Variants in PITRM1 observed in about 807,000 individuals in gnomAD.
PITRM1 encodes pitrilysin metallopeptidase 1.
PITRM1 carries 100 observed loss-of-function variants against 129.9 expected under a neutral mutation model. The observed-to-expected ratio is 0.77, with a 90% CI of 0.65 to 0.91. The LOEUF (loss-of-function observed/expected upper bound fraction) is 0.91, where lower values mean the gene tolerates loss of function less well. Ranked by LOEUF, PITRM1 falls within the 40% of genes least tolerant of loss-of-function variation. The probability of loss-of-function intolerance (pLI) is 0.00; values close to 1 mark genes in which losing one functional copy is unlikely to be tolerated. For synonymous variants in PITRM1, 591 were observed against 508.8 expected, an observed-to-expected ratio of 1.16 and a Z score of -2.17; for missense variants, 1,471 against 1,318.3, an observed-to-expected ratio of 1.12 and a Z score of -1.79.
In PITRM1 at chr10:3,167,030, G is replaced by A. The variant is rs756947486; in HGVS notation, c.172C>T (p.Pro58Ser). The change falls in exon 3 of 27, where the codon CCC becomes TCC. Residue 58 changes from proline to serine, a missense_variant. Transcript: ENST00000224949. ...GFTVNQVTSV[P>S]ELFLTAVKLT... ...TTCACTGCAGTCAGGAACAGCTCGG[G>A]AACAGATGTCACCTGAGTTAACAAG... is the stretch of plus-strand genomic sequence containing the variant. The A allele has an allele frequency of 1.2e-6, 2 of 1,603,118 alleles. No individual in the cohort carries two copies. Among genetic ancestry groups the A allele is most frequent in the Admixed American group, 1.7e-5 (1 of 58,700 alleles).
chr10:3,166,842 C>T, intron 3 of PITRM1, 94 bp downstream of exon 3: 1 of 692,928 alleles, frequency 1.4e-6, no homozygotes, highest in South Asian at 1.9e-5. Context: ...GACAGTTGTT[C>T]TTCTTCCATT....
chr10:3,172,526 G>T (rs1177202056), intron 1 of PITRM1, among the ~76,000 whole-genome samples, 191 bp downstream of exon 1: 1 of 152,140 alleles, frequency 6.6e-6, no homozygotes, highest in African/African-American at 2.4e-5. Context: ...GTAGGAAGGA[G>T]CTCCGAGGTC....
At chr10:3,138,615 T>TGGCCATGCCCG in intron 25 of PITRM1, 1 of 604,928 alleles carries the variant, frequency 1.7e-6, no homozygotes, top group African/African-American at 1.8e-5. Flanking sequence ...GAGAGTAACG[T>TGGCCATGCCCG]GGCCATGCCC....
chr10:3,166,868 C>A, intron 3 of PITRM1, 68 bp downstream of exon 3: 2 of 958,782 alleles, frequency 2.1e-6, no homozygotes, highest in Admixed American at 4.9e-5. Flanking sequence ...ACAGGGAAGC[C>A]AAAAGAATGG....
At chr10:3,162,158 T>TA (rs756979093) in intron 7 of PITRM1, among the ~76,000 whole-genome samples, 770 of 61,128 alleles carry the variant, frequency 0.013, 5 homozygotes, top group African/African-American at 0.023. Context: ...ACCCTGTCTT[T>TA]AAAAAAAAAA....
chr10:3,155,914 T>C (rs545209887), intron 13 of PITRM1, among the ~76,000 whole-genome samples, 185 bp from the exon 14 acceptor site: 40 of 152,330 alleles, frequency 2.6e-4, no homozygotes, highest in African/African-American at 9.6e-4. Flanking sequence ...CCTTATAAAA[T>C]GCTTACCACC....
At chr10:3,152,232 T>G (rs1471655134) in intron 14 of PITRM1, among the ~76,000 whole-genome samples, 1 of 152,180 alleles carries the variant, frequency 6.6e-6, no homozygotes, top group Non-Finnish European at 1.5e-5. Flanking sequence ...ATGTGGAGAA[T>G]CCAGAAGACC....
At position 3,142,176 on chromosome 10, in the gene PITRM1, A is replaced by C. The variant is rs138601364; in HGVS notation, c.2645+1213T>G. Among the ~76,000 whole-genome samples, 599 of 152,370 alleles carry C rather than the reference A, an allele frequency of 3.9e-3. 12 individuals are homozygous for C. The East Asian group carries it at 0.053, about 13-fold the overall frequency. Reference sequence around the variant, plus strand: ...CCACTCTTCTGCCGGCATAGCAGACAGATCTGTTCATCTTCTACAAATATG... The same window carrying C: ...CCACTCTTCTGCCGGCATAGCAGACCGATCTGTTCATCTTCTACAAATATG... On this transcript the variant is annotated intron_variant, in intron 23 of 26. Transcript: ENST00000224949.
chr10:3,154,150 G>A (rs57504314), intron 14 of PITRM1, among the ~76,000 whole-genome samples: 22,911 of 152,140 alleles, frequency 0.15, 1,812 homozygotes, highest in Non-Finnish European at 0.18. Context: ...TCTGGCACCC[G>A]GCTTCTTTCC....
intron 24 of PITRM1, among the ~76,000 whole-genome samples, chr10:3,140,266 G>A (rs1448076259): frequency 1.3e-5 from 2 of 152,236 alleles, no homozygotes; most frequent in Admixed American, 1.3e-4. Flanking sequence ...CCAACAGGCA[G>A]GTACCGTAGA....
chr10:3,162,921 G>C (rs1009931309), intron 7 of PITRM1, among the ~76,000 whole-genome samples: 1 of 152,082 alleles, frequency 6.6e-6, no homozygotes, highest in Non-Finnish European at 1.5e-5. Flanking sequence ...ATAAGAAATA[G>C]GCAGTTTTAA....
At chr10:3,139,795 G>C (rs1393172600) in intron 24 of PITRM1, among the ~76,000 whole-genome samples, 1 of 152,200 alleles carries the variant, frequency 6.6e-6, no homozygotes, top group Non-Finnish European at 1.5e-5. Context: ...CCTGTAGCTA[G>C]GACCACAGGC....
At position 3,137,925 on chromosome 10, in the gene PITRM1, TCAATGA is replaced by T. The variant is rs1446545342; in HGVS notation, c.*100_*105del. ...CGCCAGTCAAGGGCTTTGGCGACACTCAATGACATAATATTCTTGGAAAAAGCAGTA... is the reference window on the plus strand; with the variant it reads ...CGCCAGTCAAGGGCTTTGGCGACACTCATAATATTCTTGGAAAAAGCAGTA... On this transcript the variant is annotated 3_prime_UTR_variant, in exon 27 of 27. Transcript: ENST00000224949. The T allele has an allele frequency of 8.5e-6, 6 of 702,450 alleles. No homozygotes were observed. In the African/African-American group the frequency reaches 1.1e-4, roughly 13 times the overall value. 43.5% of individuals were successfully genotyped at this position (702,450 alleles called of 1,614,324 possible).
chr10:3,149,734 C>T lies in PITRM1; in HGVS notation c.1758G>A (p.Gln586=). Residue 586 remains glutamine, a synonymous_variant, in exon 16 of 27, where the codon CAG becomes CAA. Coordinates refer to ENST00000224949, the MANE Select transcript of PITRM1 (RefSeq NM_014889.4). ...VVLTAGDIPV[Q]YCAQPTNGMV... Reference sequence around the variant, plus strand: ...TGCCATTGGTGGGCTGGGCGCAGTACTGAACAGGGATATCTCCAGCTAGAA... The same window carrying T: ...TGCCATTGGTGGGCTGGGCGCAGTATTGAACAGGGATATCTCCAGCTAGAA... 6.2e-7 allele frequency: 1 copy of T among 1,613,656 alleles called. No homozygotes were observed. Among genetic ancestry groups the T allele is most frequent in the South Asian group, 1.1e-5 (1 of 90,982 alleles).
chr10:3,154,711 A>G (rs1335206535), intron 14 of PITRM1, among the ~76,000 whole-genome samples: 1 of 152,120 alleles, frequency 6.6e-6, no homozygotes, highest in African/African-American at 2.4e-5. Context: ...TTTTTCGTAT[A>G]TTCTGAATAC....
intron 23 of PITRM1, among the ~76,000 whole-genome samples, chr10:3,141,966 C>T (rs1015436133): frequency 1.3e-5 from 2 of 152,158 alleles, no homozygotes; most frequent in Admixed American, 6.5e-5. Context: ...GCGTTCCATC[C>T]GTCCACACAT....
chr10:3,160,237 G>C lies in PITRM1; in HGVS notation c.885C>G (p.Thr295=). The part of the protein sequence containing the change: ...LSKFQKIEPS[T]VVPAQTPWDK... ...CCCAGGGTGTCTGAGCTGGCACCAC[G>C]GTGCTTGGTTCAATTTTCTGGAATT... Residue 295 remains threonine, a synonymous_variant, in exon 8 of 27, where the codon ACC becomes ACG. Coordinates refer to ENST00000224949, the MANE Select transcript of PITRM1 (RefSeq NM_014889.4). 2 of 1,613,910 alleles carry C rather than the reference G, an allele frequency of 1.2e-6. No homozygotes were observed. Among genetic ancestry groups the C allele is most frequent in the Non-Finnish European group, 1.7e-6 (2 of 1,179,826 alleles).
At chr10:3,142,582 T>G (rs949330975) in intron 23 of PITRM1, among the ~76,000 whole-genome samples, 1 of 152,228 alleles carries the variant, frequency 6.6e-6, no homozygotes, top group Non-Finnish European at 1.5e-5. Flanking sequence ...TTTCCCCAGA[T>G]GGGATGAACA....
intron 24 of PITRM1, 85 bp from the exon 25 acceptor site, chr10:3,139,134 A>G: frequency 8.6e-7 from 1 of 1,162,724 alleles, no homozygotes; most frequent in Non-Finnish European, 1.3e-6. Context: ...ACAGTTCAAC[A>G]TCTTCTATGG....
Sources: allele counts gnomAD v4.1 joint callset (sites outside exome capture counted in the v4.1 genomes callset), GRCh38; gene constraint gnomAD v4.1.1; transcripts MANE v1.5; gene names NCBI Gene and HGNC (gene_info 2026-07-23, HGNC 2026-07-21).